Variants in DCDC1 observed in about 807,000 individuals in gnomAD.
The protein encoded by DCDC1 is doublecortin domain-containing protein 1.
In DCDC1, 200 loss-of-function variants were observed where a neutral mutation model predicts 178.3. The ratio of observed to expected loss-of-function variants is 1.12; its 90% CI spans 1.00 to 1.26. The LOEUF (loss-of-function observed/expected upper bound fraction) is 1.26, where lower values mean the gene tolerates loss of function less well. Ranked by LOEUF, DCDC1 falls within the 50% of genes most tolerant of loss-of-function variation. DCDC1 has a pLI of 0.00. For missense variants in DCDC1, 1,983 were observed against 1,749.2 expected (o/e 1.13, Z -2.38); for synonymous variants, 690 against 604.8 (o/e 1.14, Z -2.07).
At chr11:30,866,277 T>G (rs1940967490) in intron 38 of DCDC1, among the ~76,000 whole-genome samples, 1 of 152,052 alleles carries the variant, frequency 6.6e-6, no homozygotes, top group Non-Finnish European at 1.5e-5. Flanking sequence ...AAATACAAAT[T>G]TATTTCTCAC....
chr11:31,271,401 G>GT (rs1425033021), intron 7 of DCDC1, among the ~76,000 whole-genome samples: 1 of 152,070 alleles, frequency 6.6e-6, no homozygotes, highest in Non-Finnish European at 1.5e-5. Context: ...ATATTGAAAC[G>GT]TAAGTCTTTT....
rs528247961 is a variant in DCDC1 at position 30,898,346 on chromosome 11, C to T, written c.4765+1195G>A. Among the ~76,000 whole-genome samples, 7 of 152,210 alleles carry T rather than the reference C, an allele frequency of 4.6e-5. No homozygotes were observed. In the South Asian group the frequency reaches 1.5e-3, roughly 32 times the overall value. ...CAGGGAGACCAGTTAGGAAACTGTTCCAATGGTCCCAAGGAATATATAGAT... is the reference window on the plus strand; with the variant it reads ...CAGGGAGACCAGTTAGGAAACTGTTTCAATGGTCCCAAGGAATATATAGAT... On this transcript the variant is annotated intron_variant, in intron 34 of 38. Coordinates refer to ENST00000684477, the MANE Select transcript of DCDC1 (RefSeq NM_001387274.1).
intron 24 of DCDC1, 125 bp downstream of exon 24, chr11:30,922,378 G>T: frequency 8.7e-7 from 1 of 1,154,246 alleles, no homozygotes; most frequent in South Asian, 2.2e-5. Context: ...AGTTTAAAGA[G>T]TTAAACAGCA....
chr11:30,970,266 C>T (rs1184073663), intron 20 of DCDC1, among the ~76,000 whole-genome samples: 1 of 152,122 alleles, frequency 6.6e-6, no homozygotes, highest in Admixed American at 6.5e-5. Context: ...AGAGAGAGAG[C>T]TCATGCTGGT....
chr11:31,175,152 G>A (rs1367544872), intron 9 of DCDC1, among the ~76,000 whole-genome samples: 1 of 152,220 alleles, frequency 6.6e-6, no homozygotes, highest in African/African-American at 2.4e-5. Context: ...GCATCTCCGA[G>A]CTTCCGGATG....
In DCDC1 at chr11:31,027,317, C is replaced by G. The variant is rs184384947; in HGVS notation, c.2591+37152G>C. On this transcript the variant is annotated intron_variant, in intron 20 of 38. Coordinates refer to ENST00000684477, the MANE Select transcript of DCDC1 (RefSeq NM_001387274.1). ...TTGCCTAAATTCTCTGCCTCCAACT[C>G]TCATAAAAATTCAAGTCTCCACTGT... Among the ~76,000 whole-genome samples, 25 of 151,920 alleles carry G rather than the reference C, an allele frequency of 1.6e-4. No homozygotes were observed. In the East Asian group the frequency reaches 4.6e-3, roughly 28 times the overall value.
At chr11:31,197,332 CTAAA>C (rs1970808063) in intron 9 of DCDC1, among the ~76,000 whole-genome samples, 1 of 152,082 alleles carries the variant, frequency 6.6e-6, no homozygotes, top group Admixed American at 6.6e-5. Flanking sequence ...CTTTGTATAA[CTAAA>C]TATACAAATA....
intron 3 of DCDC1, among the ~76,000 whole-genome samples, chr11:31,309,759 A>G (rs986385033): frequency 6.6e-6 from 1 of 152,214 alleles, no homozygotes; most frequent in Non-Finnish European, 1.5e-5. Flanking sequence ...ACAATCCATT[A>G]TTCTACCACC....
intron 21 of DCDC1, among the ~76,000 whole-genome samples, chr11:30,948,125 C>G (rs1337855875): frequency 2.0e-5 from 3 of 152,128 alleles, no homozygotes; most frequent in African/African-American, 7.2e-5. Context: ...AGCCCAAAAT[C>G]TTCTTAAGCT....
At chr11:30,897,218 T>C (rs1944293124) in intron 34 of DCDC1, among the ~76,000 whole-genome samples, 1 of 152,164 alleles carries the variant, frequency 6.6e-6, no homozygotes, top group Non-Finnish European at 1.5e-5. Flanking sequence ...AAAGGATCCC[T>C]CCAGAATGGA....
intron 9 of DCDC1, among the ~76,000 whole-genome samples, chr11:31,208,516 A>G (rs1972124423): frequency 6.6e-6 from 1 of 152,098 alleles, no homozygotes; most frequent in Non-Finnish European, 1.5e-5. Flanking sequence ...TCATCCTACA[A>G]TGCCTCCTCC....
chr11:30,981,562 T>C (rs1242589438), intron 20 of DCDC1, among the ~76,000 whole-genome samples: 1 of 152,144 alleles, frequency 6.6e-6, no homozygotes, highest in East Asian at 1.9e-4. Context: ...AGTTTCTAAG[T>C]GTTAGTCAAT....
intron 14 of DCDC1, 123 bp from the exon 15 acceptor site, chr11:31,102,405 A>G: frequency 2.2e-6 from 1 of 456,856 alleles, no homozygotes; most frequent in Non-Finnish European, 4.0e-6. Flanking sequence ...AATAATTTAT[A>G]TATCAAATCT....
intron 9 of DCDC1, among the ~76,000 whole-genome samples, chr11:31,210,040 T>C (rs1052471686): frequency 6.6e-6 from 1 of 152,204 alleles, no homozygotes; most frequent in African/African-American, 2.4e-5. Flanking sequence ...TGTCTACCAG[T>C]GTCTGCTACA....
chr11:31,198,218 C>T (rs1426939877), intron 9 of DCDC1, among the ~76,000 whole-genome samples: 1 of 151,842 alleles, frequency 6.6e-6, no homozygotes, highest in African/African-American at 2.4e-5. Flanking sequence ...AATCATTCAC[C>T]CTACCACTTC....
At chr11:31,347,175 CCTT>C (rs1950857867) in intron 1 of DCDC1, among the ~76,000 whole-genome samples, 1 of 152,146 alleles carries the variant, frequency 6.6e-6, no homozygotes, top group African/African-American at 2.4e-5. Flanking sequence ...CAAACAACCT[CCTT>C]ATCTTCTTCC....
chr11:31,168,843 A>G (rs984970730), intron 9 of DCDC1, among the ~76,000 whole-genome samples: 7 of 152,302 alleles, frequency 4.6e-5, no homozygotes, highest in Admixed American at 4.6e-4. Context: ...GCATTTAATA[A>G]ACATTAATTA....
At chr11:31,145,563 G>A (rs1226294518) in intron 9 of DCDC1, among the ~76,000 whole-genome samples, 1 of 152,200 alleles carries the variant, frequency 6.6e-6, no homozygotes. Context: ...CTTTGATTCA[G>A]ATAATTACTT....
intron 10 of DCDC1, among the ~76,000 whole-genome samples, chr11:31,130,157 C>T (rs1039024850): frequency 6.6e-6 from 1 of 152,018 alleles, no homozygotes; most frequent in African/African-American, 2.4e-5. Flanking sequence ...ATGACTCATT[C>T]CTCTCTTATA....
Sources: gnomAD v4.1 joint callset for allele counts (sites outside exome capture counted in the v4.1 genomes callset) on GRCh38, gnomAD v4.1.1 for gene constraint, MANE v1.5 for transcripts, NCBI Gene and HGNC (gene_info 2026-07-23, HGNC 2026-07-21) for gene names.